NKAIN2: variants seen among roughly 807,000 people sequenced by gnomAD.
The protein encoded by NKAIN2 is sodium/potassium transporting ATPase interacting 2, also known as sodium/potassium-transporting ATPase subunit beta-1-interacting protein 2.
NKAIN2 carries 14 observed loss-of-function variants against 32.6 expected under a neutral mutation model. That is an observed-to-expected ratio of 0.43 (90% confidence interval 0.28 to 0.67). The LOEUF (loss-of-function observed/expected upper bound fraction) is 0.67, where lower values mean the gene tolerates loss of function less well. Among genes scored for constraint, NKAIN2 ranks in the 30% least tolerant of loss-of-function variants. NKAIN2 has a pLI of 0.17. For missense variants in NKAIN2, 198 were observed against 258.3 expected, an observed-to-expected ratio of 0.77 and a Z score of 1.60; for synonymous variants, 80 against 87.2, an observed-to-expected ratio of 0.92 and a Z score of 0.46.
rs367601380 is a variant in NKAIN2, at chr6:123,850,342, G to GA, written c.54+46102dup. On this transcript the variant is annotated intron_variant, in intron 1 of 6. Transcript: ENST00000368417. ...TGGCTGATAACACTTGCAAGCTGCT[G>GA]AAAAAAAAAAAAAATATATATATAT... Among the ~76,000 whole-genome samples, 981 of 129,028 alleles carry GA rather than the reference G, an allele frequency of 7.6e-3. 12 individuals are homozygous for GA. Among genetic ancestry groups the GA allele is most frequent in the South Asian group, 0.042 (162 of 3,884 alleles). The allele number at this position is 129,028 out of a possible 152,430, so 84.6% of individuals were successfully genotyped here.
At chr6:124,616,836 A>T (rs538541591) in intron 3 of NKAIN2, among the ~76,000 whole-genome samples, 1 of 152,016 alleles carries the variant, frequency 6.6e-6, no homozygotes, top group South Asian at 2.1e-4. Flanking sequence ...CCCGCATAGC[A>T]CTGATAGTGC....
intron 1 of NKAIN2, among the ~76,000 whole-genome samples, chr6:123,916,427 A>AT (rs955273916): frequency 2.0e-5 from 3 of 151,512 alleles, no homozygotes; most frequent in East Asian, 1.9e-4. Flanking sequence ...TACCTGGCTA[A>AT]TTTTTTTTGT....
chr6:123,920,916 A>C (rs1395345447), intron 1 of NKAIN2, among the ~76,000 whole-genome samples: 1 of 152,186 alleles, frequency 6.6e-6, no homozygotes, highest in Non-Finnish European at 1.5e-5. Flanking sequence ...CCGCACACAC[A>C]TAAGGATGTT....
At chr6:124,196,520 C>T (rs1790321926) in intron 1 of NKAIN2, among the ~76,000 whole-genome samples, 1 of 152,070 alleles carries the variant, frequency 6.6e-6, no homozygotes, top group African/African-American at 2.4e-5. Context: ...AATTATCATG[C>T]TCTAATGCCT....
Position 124,687,761 on chromosome 6 carries a change from C to T in NKAIN2, c.474+29375C>T, listed in dbSNP as rs1315236133. The stretch of plus-strand genomic sequence containing the variant: ...TGATATATACACACACACACACACA[C>T]ACACACACACACACACACACATACT... On this transcript the variant is annotated intron_variant, in intron 4 of 6. Coordinates refer to ENST00000368417, the MANE Select transcript of NKAIN2 (RefSeq NM_001040214.3). 7.0e-5 allele frequency among the ~76,000 whole-genome samples: 10 copies of T among 142,848 alleles called. No homozygotes were observed. The East Asian group carries it at 8.0e-4, about 11-fold the overall frequency. 93.7% of individuals were successfully genotyped at this position (142,848 alleles called of 152,430 possible).
At chr6:123,824,125 C>A (rs1430542286) in intron 1 of NKAIN2, among the ~76,000 whole-genome samples, 1 of 151,962 alleles carries the variant, frequency 6.6e-6, no homozygotes, top group Non-Finnish European at 1.5e-5. Flanking sequence ...CACTTTTGAC[C>A]TTTTTGACAA....
chr6:124,176,866 CAT>C (rs1409169780), intron 1 of NKAIN2, among the ~76,000 whole-genome samples: 3 of 151,858 alleles, frequency 2.0e-5, no homozygotes, highest in South Asian at 4.1e-4. Context: ...TTTTTATTTT[CAT>C]GTTTGTCTTT....
intron 3 of NKAIN2, among the ~76,000 whole-genome samples, chr6:124,479,767 A>C (rs1777371936): frequency 7.1e-6 from 1 of 141,524 alleles, no homozygotes; most frequent in African/African-American, 2.9e-5. Flanking sequence ...AAAATTGTTA[A>C]TACTGTTAGT....
intron 4 of NKAIN2, 163 bp downstream of exon 4, chr6:124,658,549 A>G (rs754584033): frequency 6.2e-6 from 9 of 1,457,606 alleles, no homozygotes; most frequent in South Asian, 4.4e-5. Flanking sequence ...AAACTAAACC[A>G]TCCTCTGGAC....
At chr6:124,137,326 A>G (rs185288813) in intron 1 of NKAIN2, among the ~76,000 whole-genome samples, 1 of 152,194 alleles carries the variant, frequency 6.6e-6, no homozygotes, top group Admixed American at 6.5e-5. Context: ...GTCTACTAGG[A>G]AAACTACAAA....
intron 3 of NKAIN2, among the ~76,000 whole-genome samples, chr6:124,524,160 T>C (rs777912392): frequency 2.4e-4 from 36 of 152,208 alleles, no homozygotes; most frequent in Non-Finnish European, 4.6e-4. Flanking sequence ...CAGGCATTAG[T>C]TACTCAGTGA....
At chr6:124,480,662 AC>A (rs1475036300) in intron 3 of NKAIN2, among the ~76,000 whole-genome samples, 8 of 151,776 alleles carry the variant, frequency 5.3e-5, no homozygotes, top group Non-Finnish European at 1.0e-4. Flanking sequence ...TAGAAGTGGG[AC>A]TTTGAGGTCC....
At chr6:124,098,288 C>T (rs942208921) in intron 1 of NKAIN2, among the ~76,000 whole-genome samples, 10 of 152,192 alleles carry the variant, frequency 6.6e-5, no homozygotes, top group African/African-American at 2.4e-4. Flanking sequence ...ATATGTAACA[C>T]CTGTAAGCTC....
chr6:124,345,302 G>T (rs373618114), intron 2 of NKAIN2, among the ~76,000 whole-genome samples: 2,600 of 152,032 alleles, frequency 0.017, 76 homozygotes, highest in East Asian at 0.11. Flanking sequence ...CTCTTTTTTG[G>T]TTGTGTCTCT....
intron 1 of NKAIN2, among the ~76,000 whole-genome samples, chr6:124,058,564 G>A (rs968443494): frequency 5.9e-5 from 9 of 151,938 alleles, no homozygotes; most frequent in African/African-American, 2.2e-4. Context: ...GGATTTCTGG[G>A]CACATTGCTT....
intron 4 of NKAIN2, among the ~76,000 whole-genome samples, chr6:124,679,111 A>G (rs1773498736): frequency 6.6e-6 from 1 of 152,098 alleles, no homozygotes; most frequent in Non-Finnish European, 1.5e-5. Context: ...GGACTCCAAG[A>G]CAGTCAAGAG....
intron 1 of NKAIN2, among the ~76,000 whole-genome samples, chr6:124,012,125 G>A (rs1780360031): frequency 6.6e-6 from 1 of 151,890 alleles, no homozygotes; most frequent in Non-Finnish European, 1.5e-5. Context: ...TATGTATATA[G>A]CATGAAATCA....
At chr6:124,055,060 T>G (rs1209060271) in intron 1 of NKAIN2, among the ~76,000 whole-genome samples, 1 of 152,042 alleles carries the variant, frequency 6.6e-6, no homozygotes, top group Non-Finnish European at 1.5e-5. Flanking sequence ...TAAAATGTAT[T>G]TCAAATACTA....
chr6:124,446,678 CA>C, intron 3 of NKAIN2, among the ~76,000 whole-genome samples: 1 of 152,144 alleles, frequency 6.6e-6, no homozygotes, highest in African/African-American at 2.4e-5. Flanking sequence ...TATAAAACAT[CA>C]GATGATATAT....
Sources: gnomAD v4.1 joint callset for allele counts (sites outside exome capture counted in the v4.1 genomes callset) on GRCh38, gnomAD v4.1.1 for gene constraint, MANE v1.5 for transcripts, NCBI Gene and HGNC (gene_info 2026-07-23, HGNC 2026-07-21) for gene names.